The following TMPRSS11E variants were observed in gnomAD, a reference collection of about 807,000 sequenced individuals.
TMPRSS11E encodes the protein transmembrane protease serine 11E.
Under a neutral mutation model 48.1 loss-of-function variants are expected in TMPRSS11E, and 38 were observed. The ratio of observed to expected loss-of-function variants is 0.79; its 90% confidence interval spans 0.61 to 1.04. The LOEUF (loss-of-function observed/expected upper bound fraction) is 1.04, where lower values mean the gene tolerates loss of function less well. Among genes scored for constraint, TMPRSS11E ranks in the 50% least tolerant of loss-of-function variants. The pLI is 0.00. For synonymous variants in TMPRSS11E, 158 were observed against 171.9 expected, an observed-to-expected ratio of 0.92 and a Z score of 0.63; for missense variants, 530 against 510.8, an observed-to-expected ratio of 1.04 and a Z score of -0.36.
At chr4:68,488,678 A>G (rs1729630775) in intron 9 of TMPRSS11E, among the ~76,000 whole-genome samples, 1 of 149,044 alleles carries the variant, frequency 6.7e-6, no homozygotes, top group South Asian at 2.3e-4. Context: ...AGCTGGGATT[A>G]CAGGGGCCCG....
At chr4:68,475,382 G>A (rs372155756) in intron 6 of TMPRSS11E, among the ~76,000 whole-genome samples, 1 of 141,428 alleles carries the variant, frequency 7.1e-6, no homozygotes, top group African/African-American at 3.2e-5. Context: ...TAGTTATGGG[G>A]TTGTTGCACA....
At chr4:68,475,235 T>C (rs1269974296) in intron 6 of TMPRSS11E, among the ~76,000 whole-genome samples, 1 of 152,046 alleles carries the variant, frequency 6.6e-6, no homozygotes, top group Non-Finnish European at 1.5e-5. Flanking sequence ...CAGGAAATTA[T>C]GGGGTATATT....
intron 1 of TMPRSS11E, among the ~76,000 whole-genome samples, chr4:68,449,818 G>A (rs2109655754): frequency 6.6e-6 from 1 of 151,960 alleles, no homozygotes; most frequent in Non-Finnish European, 1.5e-5. Flanking sequence ...TTAAATTGGT[G>A]TAATTACATC....
At position 68,483,708 on chromosome 4, in the gene TMPRSS11E, A is replaced by G. The variant is rs570032716; in HGVS notation, c.1110+4717A>G. 8.5e-5 allele frequency among the ~76,000 whole-genome samples: 13 copies of G among 152,332 alleles called. No homozygotes were observed. In the East Asian group the frequency reaches 2.3e-3, roughly 27 times the overall value. On this transcript the variant is annotated intron_variant, in intron 9 of 9. Coordinates refer to ENST00000305363, the MANE Select transcript of TMPRSS11E (RefSeq NM_014058.4). Reference sequence around the variant, plus strand: ...GGTCTTTGTTATAAAAGCTTTGCTAAGGCTGATGTCCAGAATGGTAGTTCC... The same window carrying G: ...GGTCTTTGTTATAAAAGCTTTGCTAGGGCTGATGTCCAGAATGGTAGTTCC...
At position 68,460,089 on chromosome 4, in the gene TMPRSS11E, G is replaced by C. The variant is rs187321747; in HGVS notation, c.12-1732G>C. ...GTAAGATAAAAGCTTCCCTGGTTAC[G>C]GCCCCGTGGAAAAATCACAGGAACA... is the stretch of plus-strand genomic sequence containing the variant. On this transcript the variant is annotated intron_variant, in intron 1 of 9. Coordinates refer to ENST00000305363, the MANE Select transcript of TMPRSS11E (RefSeq NM_014058.4). Among the ~76,000 whole-genome samples, 7 of 152,244 alleles carry C rather than the reference G, an allele frequency of 4.6e-5. No homozygotes were observed. In the South Asian group the frequency reaches 8.3e-4, roughly 18 times the overall value.
intron 8 of TMPRSS11E, among the ~76,000 whole-genome samples, chr4:68,477,900 T>C (rs754585565): frequency 2.0e-5 from 3 of 152,144 alleles, no homozygotes; most frequent in Non-Finnish European, 4.4e-5. Flanking sequence ...TGAACTTTCT[T>C]TAGAGAATTA....
intron 1 of TMPRSS11E, among the ~76,000 whole-genome samples, chr4:68,451,405 A>C (rs1184137171): frequency 6.6e-6 from 1 of 151,936 alleles, no homozygotes; most frequent in Non-Finnish European, 1.5e-5. Context: ...GTCATGCCAG[A>C]ACCTGTAAGC....
intron 9 of TMPRSS11E, among the ~76,000 whole-genome samples, chr4:68,496,409 G>GAAGGTTTCAAGGTATTTC (rs1222493302): frequency 6.6e-6 from 1 of 151,998 alleles, no homozygotes; most frequent in African/African-American, 2.4e-5. Context: ...TCATTGTTTT[G>GAAGGTTTCAAGGTATTTC]AAGGTTTCAA....
intron 9 of TMPRSS11E, among the ~76,000 whole-genome samples, chr4:68,492,697 A>G (rs1729763724): frequency 6.6e-6 from 1 of 152,186 alleles, no homozygotes; most frequent in African/African-American, 2.4e-5. Flanking sequence ...ACACACACGA[A>G]ATCTGTTTAT....
intron 5 of TMPRSS11E, among the ~76,000 whole-genome samples, chr4:68,474,191 A>T (rs919386568): frequency 1.3e-5 from 2 of 152,140 alleles, no homozygotes; most frequent in Non-Finnish European, 2.9e-5. Flanking sequence ...CTGTCTTTTG[A>T]AATTTGACTT....
chr4:68,483,346 G>A (rs962452788), intron 9 of TMPRSS11E, among the ~76,000 whole-genome samples: 1 of 152,206 alleles, frequency 6.6e-6, no homozygotes, highest in Non-Finnish European at 1.5e-5. Flanking sequence ...TATGCTGTCA[G>A]GGATCCGTTA....
intron 4 of TMPRSS11E, among the ~76,000 whole-genome samples, chr4:68,469,169 T>A (rs958431964): frequency 6.6e-6 from 1 of 152,080 alleles, no homozygotes. Flanking sequence ...TTGGTGCCTA[T>A]GTTATAAAAT....
At position 68,497,049 on chromosome 4, in the gene TMPRSS11E, A is replaced by T. The variant is rs1729892004; in HGVS notation, c.*245A>T. On this transcript the variant is annotated 3_prime_UTR_variant, in exon 10 of 10. Transcript: ENST00000305363. Reference sequence around the variant, plus strand: ...AAACTTTATGTACATAGAGAAATAGATAATACAATATTACATTACAGCCTG... The same window carrying T: ...AAACTTTATGTACATAGAGAAATAGTTAATACAATATTACATTACAGCCTG... The T allele has an allele frequency of 5.1e-6, 2 of 389,980 alleles. No individual in the cohort carries two copies. Among genetic ancestry groups the T allele is most frequent in the Non-Finnish European group, 9.2e-6 (2 of 218,344 alleles). 24.2% of individuals were successfully genotyped at this position (389,980 alleles called of 1,614,324 possible).
chr4:68,492,902 T>G (rs1729769326), intron 9 of TMPRSS11E, among the ~76,000 whole-genome samples: 1 of 152,204 alleles, frequency 6.6e-6, no homozygotes, highest in African/African-American at 2.4e-5. Context: ...ATGGTTTAGA[T>G]ATTATGCTAG....
At chr4:68,487,959 A>AT (rs1475892322) in intron 9 of TMPRSS11E, among the ~76,000 whole-genome samples, 2 of 151,200 alleles carry the variant, frequency 1.3e-5, no homozygotes, top group Admixed American at 1.3e-4. Flanking sequence ...AAAAAAAAAA[A>AT]AAAAAAGAAT....
rs182338260 is a variant in TMPRSS11E, at chr4:68,478,607, A to T, written c.968-242A>T. On this transcript the variant is annotated intron_variant, in intron 8 of 9. Transcript: ENST00000305363. Reference sequence around the variant, plus strand: ...ATAGCTGGGATTACAGGTGCATGCCACCACCCCCGGCTAATTTTTGTATTT... The same window carrying T: ...ATAGCTGGGATTACAGGTGCATGCCTCCACCCCCGGCTAATTTTTGTATTT... 2.2e-3 allele frequency among the ~76,000 whole-genome samples: 334 copies of T among 149,584 alleles called. 2 individuals are homozygous for T. The highest frequency in any genetic ancestry group is 7.7e-3 in the African/African-American group (310 of 40,508).
At chr4:68,474,690 G>T (rs1439659788) in intron 5 of TMPRSS11E, 33 bp from the exon 6 acceptor site, 3 of 1,603,012 alleles carry the variant, frequency 1.9e-6, no homozygotes, top group East Asian at 4.5e-5. Flanking sequence ...ACTCTGATGT[G>T]CTGACCCTAT....
In TMPRSS11E at chr4:68,496,699, T is replaced by C; in HGVS notation, c.1167T>C (p.Ala389=). The change falls in exon 10 of 10, where the codon GCT becomes GCC. Residue 389 remains alanine, a synonymous_variant. Transcript: ENST00000305363. Reference sequence around the variant, plus strand: ...ATGCTAGAGATATCTGGTACCTTGCTGGAATAGTGAGCTGGGGAGATGAAT... The same window carrying C: ...ATGCTAGAGATATCTGGTACCTTGCCGGAATAGTGAGCTGGGGAGATGAAT... ...SSDARDIWYL[A]GIVSWGDECA... is the part of the protein sequence containing the mutation. 6.2e-7 allele frequency: 1 copy of C among 1,613,692 alleles called. No individual in the cohort carries two copies. Among genetic ancestry groups the C allele is most frequent in the Non-Finnish European group, 8.5e-7 (1 of 1,179,684 alleles).
At chr4:68,452,275 A>G (rs1264393439) in intron 1 of TMPRSS11E, among the ~76,000 whole-genome samples, 1 of 151,910 alleles carries the variant, frequency 6.6e-6, no homozygotes, top group Non-Finnish European at 1.5e-5. Context: ...TACTATTACC[A>G]TTTAAGCTTG....
Sources: gnomAD v4.1 joint callset for allele counts (sites outside exome capture counted in the v4.1 genomes callset) on GRCh38, gnomAD v4.1.1 for gene constraint, MANE v1.5 for transcripts, NCBI Gene and HGNC (gene_info 2026-07-23, HGNC 2026-07-21) for gene names.